ZNF732: variants seen among roughly 807,000 people sequenced by gnomAD.
ZNF732 encodes zinc finger protein 732.
ZNF732 carries 12 observed loss-of-function variants against 11.5 expected under a neutral mutation model. The ratio of observed to expected loss-of-function variants is 1.05; its 90% CI spans 0.67 to 1.70. The LOEUF is 1.70. Ranked by LOEUF, ZNF732 falls within the 40% of genes most tolerant of loss-of-function variation. ZNF732 has a pLI of 0.00. For missense variants in ZNF732, 702 were observed against 676.9 expected, an observed-to-expected ratio of 1.04 and a Z score of -0.41; for synonymous variants, 231 against 236.5, an observed-to-expected ratio of 0.98 and a Z score of 0.21.
intron 3 of ZNF732, among the ~76,000 whole-genome samples, chr4:281,963 G>A (rs148914582): frequency 6.6e-6 from 1 of 152,218 alleles, no homozygotes; most frequent in Non-Finnish European, 1.5e-5. Flanking sequence ...TTGCAACAAT[G>A]CATGAAGAAA....
At chr4:275,843 A>T (rs782715074) in intron 3 of ZNF732, among the ~76,000 whole-genome samples, 1 of 151,836 alleles carries the variant, frequency 6.6e-6, no homozygotes, top group Non-Finnish European at 1.5e-5. Context: ...CTTACACGAG[A>T]TATCTAAAGC....
intron 3 of ZNF732, among the ~76,000 whole-genome samples, chr4:294,674 C>T (rs1476123061): frequency 4.6e-5 from 7 of 152,100 alleles, no homozygotes; most frequent in Non-Finnish European, 7.4e-5. Context: ...AACTTATTCA[C>T]GAACCTTTTT....
intron 1 of ZNF732, among the ~76,000 whole-genome samples, chr4:297,523 T>C (rs1252189415): frequency 2.7e-5 from 4 of 148,634 alleles, no homozygotes; most frequent in Admixed American, 1.4e-4. Flanking sequence ...GAATAACCGG[T>C]CAATATAAAT....
At chr4:297,009 C>G (rs1719967796) in intron 1 of ZNF732, among the ~76,000 whole-genome samples, 1 of 152,154 alleles carries the variant, frequency 6.6e-6, no homozygotes. Flanking sequence ...GTGGCTCATG[C>G]CTGTAATCCC....
In ZNF732 at chr4:271,082, C is replaced by G. The variant is rs1553837125; in HGVS notation, c.*17G>C. 6.7e-7 allele frequency: 1 copy of G among 1,491,532 alleles called. No homozygotes were observed. Among genetic ancestry groups the G allele is most frequent in the East Asian group, 2.4e-5 (1 of 41,716 alleles). 92.4% of individuals were successfully genotyped at this position (1,491,532 alleles called of 1,614,324 possible). Reference sequence around the variant, plus strand: ...GTTTGTGGATCATCCAAAGGCTTTGCCACATTCTTCATATTTCTAGAGTTT... The same window carrying G: ...GTTTGTGGATCATCCAAAGGCTTTGGCACATTCTTCATATTTCTAGAGTTT... On this transcript the variant is annotated 3_prime_UTR_variant, in exon 4 of 4. Transcript: ENST00000419098.
In ZNF732 at chr4:299,391, G is replaced by GTGTATATATATA. The variant is rs1343524347; in HGVS notation, c.4-3237_4-3236insTATATATATACA. On this transcript the variant is annotated intron_variant, in intron 1 of 3. Transcript: ENST00000419098. ...TATGTGTATATATATATACACATAT[G>GTGTATATATATA]TACACATATGTGTATATATATATAC... Among the ~76,000 whole-genome samples, 98 of 30,732 alleles carry GTGTATATATATA rather than the reference G, an allele frequency of 3.2e-3. 2 individuals carry two copies. The highest frequency in any genetic ancestry group is 0.016 in the Middle Eastern group (1 of 62). The allele number at this position is 30,732 out of a possible 152,430, so 20.2% of individuals were successfully genotyped here. A position where few individuals can be genotyped will look rare whatever the true frequency, so the allele number is the denominator to read the frequency against.
chr4:296,766 T>C (rs1176919532), intron 1 of ZNF732, among the ~76,000 whole-genome samples: 1 of 152,186 alleles, frequency 6.6e-6, no homozygotes, highest in Non-Finnish European at 1.5e-5. Context: ...CTGATGTTCC[T>C]CCACCTAGAC....
chr4:286,230 A>G (rs1553840588), intron 3 of ZNF732, among the ~76,000 whole-genome samples: 2 of 152,258 alleles, frequency 1.3e-5, no homozygotes, highest in African/African-American at 4.8e-5. Flanking sequence ...CAGAAGCATC[A>G]TACATCATTA....
intron 3 of ZNF732, among the ~76,000 whole-genome samples, chr4:295,172 G>A (rs1231994328): frequency 6.6e-6 from 1 of 152,178 alleles, no homozygotes; most frequent in Non-Finnish European, 1.5e-5. Context: ...ACAGCAGTCA[G>A]ATCATGCAGC....
At position 271,990 on chromosome 4, in the gene ZNF732, T is replaced by C. The variant is rs782523074; in HGVS notation, c.867A>G (p.Ser289=). 10 of 1,607,682 alleles carry C rather than the reference T, an allele frequency of 6.2e-6. No individual in the cohort carries two copies. The highest frequency in any genetic ancestry group is 2.7e-5 in the African/African-American group (2 of 74,634). ...TCEECGKIIT[S]SSNVAKHKKI... ...TCTTATGTTTGGCAACATTTGAGGA[T>C]GAGGTAATGATTTTGCCACATTCTT... The change falls in exon 4 of 4, where the codon TCA becomes TCG. Residue 289 remains serine (S), a synonymous_variant. Coordinates refer to ENST00000419098, the MANE Select transcript of ZNF732 (RefSeq NM_001137608.3).
At chr4:298,095 A>G (rs1004054583) in intron 1 of ZNF732, among the ~76,000 whole-genome samples, 4 of 152,242 alleles carry the variant, frequency 2.6e-5, no homozygotes, top group African/African-American at 9.6e-5. Context: ...GCACAATTAT[A>G]TTAGAAGCTA....
intron 3 of ZNF732, among the ~76,000 whole-genome samples, chr4:293,884 T>C (rs1442614223): frequency 4.6e-5 from 7 of 152,212 alleles, no homozygotes; most frequent in Non-Finnish European, 7.3e-5. Context: ...CACAGATATA[T>C]AGTAAGTACT....
intron 1 of ZNF732, among the ~76,000 whole-genome samples, chr4:300,454 CAAA>C (rs559629684): frequency 3.4e-5 from 2 of 58,640 alleles, no homozygotes; most frequent in Admixed American, 1.8e-4. Context: ...GACTCTGTCT[CAAA>C]AAAAAAAAAA....
chr4:299,494 T>TATATATATATAC, intron 1 of ZNF732, among the ~76,000 whole-genome samples: 1 of 110,940 alleles, frequency 9.0e-6, no homozygotes, highest in African/African-American at 3.5e-5. Flanking sequence ...CACATATGTG[T>TATATATATATAC]GTATATATAC....
rs1560165055 is a variant in ZNF732, at chr4:299,393, ACACATATGTGTATATATATATACACATAT to A, written c.4-3267_4-3239del. On this transcript the variant is annotated intron_variant, in intron 1 of 3. Coordinates refer to ENST00000419098, the MANE Select transcript of ZNF732 (RefSeq NM_001137608.3). ...TGTGTATATATATATACACATATGTACACATATGTGTATATATATATACACATATATACACATATGTGTATATATATATA... is the reference window on the plus strand; with the variant it reads ...TGTGTATATATATATACACATATGTAATACACATATGTGTATATATATATA... 7.7e-5 allele frequency among the ~76,000 whole-genome samples: 6 copies of A among 77,468 alleles called. 1 individual carries two copies. The highest frequency in any genetic ancestry group is 2.2e-4 in the African/African-American group (6 of 27,866). 50.8% of individuals were successfully genotyped at this position (77,468 alleles called of 152,430 possible). A position where few individuals can be genotyped will look rare whatever the true frequency, so the allele number is the denominator to read the frequency against.
chr4:274,207 G>T (rs1325822942), intron 3 of ZNF732, among the ~76,000 whole-genome samples: 2 of 151,590 alleles, frequency 1.3e-5, no homozygotes, highest in East Asian at 3.9e-4. Context: ...TCATAATCTG[G>T]TAATAATACA....
chr4:287,238 A>G (rs1442326545), intron 3 of ZNF732, among the ~76,000 whole-genome samples: 4 of 150,912 alleles, frequency 2.7e-5, no homozygotes, highest in Non-Finnish European at 5.9e-5. Context: ...TTTTTTAAAG[A>G]CGGAGTTTTG....
rs561648372 is a variant in ZNF732 at position 305,423 on chromosome 4, G to A, written c.-113C>T. On this transcript the variant is annotated 5_prime_UTR_variant, in exon 1 of 4. Transcript: ENST00000419098. ...CGAATCACCGACGCCTCCCTGAGGGGTGAAAGCACGGCCGTGGAGACCCTA... is the reference window on the plus strand; with the variant it reads ...CGAATCACCGACGCCTCCCTGAGGGATGAAAGCACGGCCGTGGAGACCCTA... 1.0e-5 allele frequency: 15 copies of A among 1,482,404 alleles called. No homozygotes were observed. The highest frequency in any genetic ancestry group is 1.4e-5 in the African/African-American group (1 of 72,316). The allele number at this position is 1,482,404 out of a possible 1,614,324, so 91.8% of individuals were successfully genotyped here. A position where few individuals can be genotyped will look rare whatever the true frequency, so the allele number is the denominator to read the frequency against.
Position 282,943 on chromosome 4 carries a change from T to C in ZNF732, c.227-10313A>G, listed in dbSNP as rs546508088. On this transcript the variant is annotated intron_variant, in intron 3 of 3. Coordinates refer to ENST00000419098, the MANE Select transcript of ZNF732 (RefSeq NM_001137608.3). ...GAACAAAATGATAGTAATAAGTTCTTATCAATCAGTAATTCCTTTAAATAT... is the reference window on the plus strand; with the variant it reads ...GAACAAAATGATAGTAATAAGTTCTCATCAATCAGTAATTCCTTTAAATAT... Among the ~76,000 whole-genome samples, 57 of 152,334 alleles carry C rather than the reference T, an allele frequency of 3.7e-4. 2 individuals carry two copies. Among genetic ancestry groups the C allele is most frequent in the East Asian group, 3.3e-3 (17 of 5,188 alleles).
Sources: allele counts gnomAD v4.1 joint callset (sites outside exome capture counted in the v4.1 genomes callset), GRCh38; gene constraint gnomAD v4.1.1; transcripts MANE v1.5; gene names NCBI Gene and HGNC (gene_info 2026-07-23, HGNC 2026-07-21).